NDUFC2: variants seen among roughly 807,000 people sequenced by gnomAD.
NDUFC2 encodes NADH dehydrogenase [ubiquinone] 1 subunit C2.
A neutral mutation model predicts 10.1 loss-of-function variants in NDUFC2; 2 were observed. The ratio of observed to expected loss-of-function variants is 0.20; its 90% CI spans 0.08 to 0.62. The LOEUF is 0.62. Among genes scored for constraint, NDUFC2 ranks in the 20% least tolerant of loss-of-function variants. NDUFC2 has a pLI of 0.87. For missense variants in NDUFC2, 156 were observed against 159.6 expected (o/e 0.98, Z 0.12); for synonymous variants, 61 against 63.6 (o/e 0.96, Z 0.20).
chr11:78,079,592 C>T lies in NDUFC2; in HGVS notation c.153G>A (p.Pro51=), dbSNP rs775390255. The T allele has an allele frequency of 1.2e-5, 18 of 1,552,928 alleles. No homozygotes were observed. Among genetic ancestry groups the T allele is most frequent in the Admixed American group, 7.8e-5 (4 of 51,254 alleles). The change falls in exon 1 of 3, where the codon CCG becomes CCA. Residue 51 remains proline, a synonymous_variant. Transcript: ENST00000281031. ...CGCAGCACTCACCAGCCGTCGCGAT[C>T]GGCCTCCGCCGGATTAGGTTATCAA... ...GLIDNLIRRR[P]IATAGLHRQL...
At chr11:78,077,214 C>T (rs554980228) in intron 1 of NDUFC2, among the ~76,000 whole-genome samples, 6 of 152,032 alleles carry the variant, frequency 3.9e-5, no homozygotes, top group African/African-American at 1.4e-4. Flanking sequence ...ATCGCCTGAG[C>T]CCAGGAGGTC....
intron 1 of NDUFC2, among the ~76,000 whole-genome samples, chr11:78,078,961 G>A (rs2136846445): frequency 6.6e-6 from 1 of 151,422 alleles, no homozygotes; most frequent in Non-Finnish European, 1.5e-5. Flanking sequence ...CCTGAGCTCA[G>A]GCGATCCGCC....
intron 1 of NDUFC2, 118 bp downstream of exon 1, chr11:78,079,461 G>A: frequency 7.2e-7 from 1 of 1,391,420 alleles, no homozygotes; most frequent in African/African-American, 1.5e-5. Flanking sequence ...GCGAGATGGG[G>A]CCAGCTAGGC....
rs926638371 is a variant in NDUFC2, at chr11:78,069,645, G to A, written c.*342C>T. On this transcript the variant is annotated 3_prime_UTR_variant, in exon 3 of 3. Coordinates refer to ENST00000281031, the MANE Select transcript of NDUFC2 (RefSeq NM_004549.6). ...ATCACAACTACTCAATTCTGCTCTT[G>A]CAGCATGGCAGTCGCCATAAACAAC... 3 of 551,354 alleles carry A rather than the reference G, an allele frequency of 5.4e-6. No individual in the cohort carries two copies. In the African/African-American group the frequency reaches 5.8e-5, roughly 11 times the overall value. The allele number at this position is 551,354 out of a possible 1,614,324, so 34.2% of individuals were successfully genotyped here. A position where few individuals can be genotyped will look rare whatever the true frequency, so the allele number is the denominator to read the frequency against.
chr11:78,072,863 G>T (rs934238939), intron 2 of NDUFC2, 135 bp downstream of exon 2: 1 of 1,249,954 alleles, frequency 8.0e-7, no homozygotes, highest in Admixed American at 2.9e-5. Flanking sequence ...TAATTCAAGA[G>T]AATTTTGGTC....
chr11:78,072,189 A>AT (rs11413815), intron 2 of NDUFC2, among the ~76,000 whole-genome samples: 69,183 of 151,590 alleles, frequency 0.46, 15,931 homozygotes, highest in African/African-American at 0.48. Flanking sequence ...ATTTTATTTT[A>AT]TTTTTTGAGA....
intron 1 of NDUFC2, among the ~76,000 whole-genome samples, chr11:78,076,583 C>T (rs112343334): frequency 0.019 from 2,929 of 152,310 alleles, 98 homozygotes; most frequent in African/African-American, 0.067. Context: ...TTTAGGGAAG[C>T]TCTGGGAACT....
chr11:78,074,110 G>A (rs535953729), intron 1 of NDUFC2, among the ~76,000 whole-genome samples: 3 of 151,330 alleles, frequency 2.0e-5, no homozygotes, highest in African/African-American at 7.3e-5. Context: ...GAACTCCTGG[G>A]CTCAAGCGAT....
rs1009820394 is a variant in NDUFC2, at chr11:78,068,799, A to G, written c.*1188T>C. The G allele has an allele frequency of 1.3e-5, 2 of 151,984 alleles. No homozygotes were observed. Among genetic ancestry groups the G allele is most frequent in the African/African-American group, 4.8e-5 (2 of 41,370 alleles). 9.4% of individuals were successfully genotyped at this position (151,984 alleles called of 1,614,324 possible). On this transcript the variant is annotated 3_prime_UTR_variant, in exon 3 of 3. Coordinates refer to ENST00000281031, the MANE Select transcript of NDUFC2 (RefSeq NM_004549.6). ...ACTGTCGTCTCAAAAAAAAAAAAAA[A>G]AATACCACATATACTTTATCTCCAA... is the stretch of plus-strand genomic sequence containing the variant.
Position 78,069,192 on chromosome 11 carries a change from G to C in NDUFC2, c.*795C>G, listed in dbSNP as rs375805327. Reference sequence around the variant, plus strand: ...GGCATGAGCCACTGCATCGGGCCAGGACAAGCATTTGATAAGCCATAAAAA... The same window carrying C: ...GGCATGAGCCACTGCATCGGGCCAGCACAAGCATTTGATAAGCCATAAAAA... On this transcript the variant is annotated 3_prime_UTR_variant, in exon 3 of 3. Coordinates refer to ENST00000281031, the MANE Select transcript of NDUFC2 (RefSeq NM_004549.6). 2 of 152,272 alleles carry C rather than the reference G, an allele frequency of 1.3e-5. No individual in the cohort carries two copies. Among genetic ancestry groups the C allele is most frequent in the African/African-American group, 4.8e-5 (2 of 41,436 alleles). 9.4% of individuals were successfully genotyped at this position (152,272 alleles called of 1,614,324 possible).
intron 2 of NDUFC2, among the ~76,000 whole-genome samples, 194 bp from the exon 3 acceptor site, chr11:78,070,230 G>A (rs1406021594): frequency 6.6e-6 from 1 of 152,100 alleles, no homozygotes; most frequent in Non-Finnish European, 1.5e-5. Context: ...GACTTTGGGA[G>A]GTGATTAGGT....
At chr11:78,071,692 A>G (rs576842641) in intron 2 of NDUFC2, among the ~76,000 whole-genome samples, 82 of 152,368 alleles carry the variant, frequency 5.4e-4, no homozygotes, top group African/African-American at 1.8e-3. Context: ...TAATAGATTC[A>G]TAGCAGACTA....
Position 78,074,942 on chromosome 11 carries a change from T to C in NDUFC2, c.167-1801A>G, listed in dbSNP as rs964625635. 2.6e-5 allele frequency among the ~76,000 whole-genome samples: 4 copies of C among 152,310 alleles called. No individual in the cohort carries two copies. In the East Asian group the frequency reaches 5.8e-4, roughly 22 times the overall value. On this transcript the variant is annotated intron_variant, in intron 1 of 2. Coordinates refer to ENST00000281031, the MANE Select transcript of NDUFC2 (RefSeq NM_004549.6). The stretch of plus-strand genomic sequence containing the variant: ...AGCGTTCGAGATGATGATGTCAGCA[T>C]CCTAGCCCTAAAGGCATGGCTTGGC...
intron 1 of NDUFC2, among the ~76,000 whole-genome samples, chr11:78,078,795 G>A (rs1229014287): frequency 7.2e-6 from 1 of 138,010 alleles, no homozygotes; most frequent in Middle Eastern, 4.2e-3. Flanking sequence ...GTGCAATCTC[G>A]GCTTACTGCA....
chr11:78,072,854 A>T, intron 2 of NDUFC2, 144 bp downstream of exon 2: 1 of 1,171,300 alleles, frequency 8.5e-7, no homozygotes, highest in Non-Finnish European at 1.2e-6. Flanking sequence ...TGGATATATT[A>T]ATTCAAGAGA....
In NDUFC2 at chr11:78,073,144, G is replaced by T; in HGVS notation, c.167-3C>A. 1 of 1,610,996 alleles carries T rather than the reference G, an allele frequency of 6.2e-7. No individual in the cohort carries two copies. The highest frequency in any genetic ancestry group is 1.1e-5 in the South Asian group (1 of 90,250). On this transcript the variant is annotated splice_polypyrimidine_tract_variant and splice_region_variant and intron_variant, in intron 1 of 2. Coordinates refer to ENST00000281031, the MANE Select transcript of NDUFC2 (RefSeq NM_004549.6). The stretch of plus-strand genomic sequence containing the variant: ...ATATAGAAGCTGGCGATGCAAACCT[G>T]AAATTCAAATGACAAATCCCAAAGA...
At chr11:78,072,430 G>A (rs1158971528) in intron 2 of NDUFC2, among the ~76,000 whole-genome samples, 2 of 152,276 alleles carry the variant, frequency 1.3e-5, no homozygotes, top group East Asian at 3.9e-4. Context: ...TGCCCCGCTC[G>A]GCCCCCCAAA....
intron 1 of NDUFC2, among the ~76,000 whole-genome samples, chr11:78,077,989 A>G (rs1210177215): frequency 1.3e-5 from 2 of 152,052 alleles, no homozygotes; most frequent in African/African-American, 4.8e-5. Context: ...GACAAAGATG[A>G]CTCCTTTCTG....
At chr11:78,079,319 T>C (rs1859405147) in intron 1 of NDUFC2, among the ~76,000 whole-genome samples, 1 of 152,142 alleles carries the variant, frequency 6.6e-6, no homozygotes, top group South Asian at 2.1e-4. Context: ...CAACACGAAC[T>C]GAGGAGAGTA....
Sources: gnomAD v4.1 joint callset for allele counts (sites outside exome capture counted in the v4.1 genomes callset) on GRCh38, gnomAD v4.1.1 for gene constraint, MANE v1.5 for transcripts, NCBI Gene and HGNC (gene_info 2026-07-23, HGNC 2026-07-21) for gene names.